The following MNAT1 variants were observed in gnomAD, a reference collection of about 807,000 sequenced individuals.
MNAT1 encodes the protein MNAT1 component of CDK activating kinase, also known as CDK-activating kinase assembly factor MAT1.
MNAT1 carries 43 observed loss-of-function variants against 42.0 expected under a neutral mutation model. The ratio of observed to expected loss-of-function variants is 1.02; its 90% CI spans 0.80 to 1.32. MNAT1 has a LOEUF of 1.32. Ranked by LOEUF, MNAT1 falls within the 40% of genes most tolerant of loss-of-function variation. MNAT1 has a pLI of 0.00. For synonymous variants in MNAT1, 118 were observed against 120.0 expected, an observed-to-expected ratio of 0.98 and a Z score of 0.11; for missense variants, 306 against 350.4, an observed-to-expected ratio of 0.87 and a Z score of 1.01.
At chr14:60,817,778 T>G (rs574533860) in intron 5 of MNAT1, among the ~76,000 whole-genome samples, 1 of 152,134 alleles carries the variant, frequency 6.6e-6, no homozygotes, top group East Asian at 1.9e-4. Context: ...ATAGCCTCTT[T>G]GAACAATATG....
At chr14:60,835,577 C>A (rs892890096) in intron 6 of MNAT1, among the ~76,000 whole-genome samples, 3 of 152,210 alleles carry the variant, frequency 2.0e-5, no homozygotes, top group African/African-American at 7.2e-5. Context: ...CCCCCACTCT[C>A]TTCTGGCTTG....
chr14:60,946,325 T>A (rs1048953605), intron 7 of MNAT1, among the ~76,000 whole-genome samples: 1 of 152,210 alleles, frequency 6.6e-6, no homozygotes, highest in Non-Finnish European at 1.5e-5. Context: ...ACTTCCTTAT[T>A]TCTGATTCAT....
Position 60,953,206 on chromosome 14 carries a change from A to G in MNAT1, c.810-15023A>G, listed in dbSNP as rs117961083. Among the ~76,000 whole-genome samples, 344 of 152,306 alleles carry G rather than the reference A, an allele frequency of 2.3e-3. 2 individuals carry two copies. The highest frequency in any genetic ancestry group is 3.4e-3 in the Non-Finnish European group (228 of 68,028). ...ATTTGTGAAATATAGATCTGTATGT[A>G]TATGTTTGAATCTATACAAATGTAT... On this transcript the variant is annotated intron_variant, in intron 7 of 7. Coordinates refer to ENST00000261245, the MANE Select transcript of MNAT1 (RefSeq NM_002431.4).
chr14:60,929,905 G>A (rs1339526837), intron 7 of MNAT1, among the ~76,000 whole-genome samples: 1 of 152,038 alleles, frequency 6.6e-6, no homozygotes, highest in East Asian at 1.9e-4. Context: ...CATTCTGACA[G>A]GAACCACCCT....
intron 7 of MNAT1, among the ~76,000 whole-genome samples, chr14:60,937,439 A>C (rs1005886943): frequency 3.3e-5 from 5 of 152,162 alleles, no homozygotes; most frequent in African/African-American, 7.2e-5. Context: ...TCAGCTTTCT[A>C]CATATGGCCA....
intron 5 of MNAT1, among the ~76,000 whole-genome samples, chr14:60,816,236 T>C (rs527733332): frequency 7.7e-4 from 117 of 152,272 alleles, no homozygotes; most frequent in African/African-American, 2.7e-3. Flanking sequence ...GGGATTTTAA[T>C]GTTATGGTCT....
chr14:60,872,749 A>C (rs1350952742), intron 6 of MNAT1, among the ~76,000 whole-genome samples: 1 of 151,814 alleles, frequency 6.6e-6, no homozygotes, highest in African/African-American at 2.4e-5. Flanking sequence ...AAAATAGCAA[A>C]GTTGGAAAAT....
intron 1 of MNAT1, chr14:60,780,658 T>C: frequency 3.0e-6 from 3 of 983,750 alleles, no homozygotes; most frequent in Non-Finnish European, 4.6e-6. Context: ...AATCAAGTCA[T>C]CTATAGTTGA....
chr14:60,949,571 C>T (rs978683220), intron 7 of MNAT1, among the ~76,000 whole-genome samples: 3 of 151,906 alleles, frequency 2.0e-5, no homozygotes, highest in African/African-American at 7.3e-5. Flanking sequence ...AAGGCATTGC[C>T]AAAAAATGTA....
intron 1 of MNAT1, among the ~76,000 whole-genome samples, chr14:60,792,673 C>T (rs2031865596): frequency 2.0e-5 from 3 of 152,066 alleles, no homozygotes; most frequent in Admixed American, 6.6e-5. Flanking sequence ...TGAAATTTGA[C>T]ATGGAATATA....
chr14:60,939,388 T>C (rs1257806361), intron 7 of MNAT1, among the ~76,000 whole-genome samples: 3 of 152,208 alleles, frequency 2.0e-5, no homozygotes, highest in Admixed American at 2.0e-4. Flanking sequence ...AAGTTCCCTC[T>C]ACACACTGCT....
intron 3 of MNAT1, among the ~76,000 whole-genome samples, chr14:60,804,191 T>C (rs2139339663): frequency 6.6e-6 from 1 of 152,334 alleles, no homozygotes; most frequent in East Asian, 1.9e-4. Flanking sequence ...TTGCTTTTAA[T>C]ACTTGACTAA....
intron 7 of MNAT1, among the ~76,000 whole-genome samples, chr14:60,953,010 T>G (rs1248626878): frequency 6.6e-6 from 1 of 151,960 alleles, no homozygotes; most frequent in Non-Finnish European, 1.5e-5. Context: ...CTATCACTAT[T>G]AGAGAGGTGG....
chr14:60,828,642 G>A (rs558887283), intron 6 of MNAT1, among the ~76,000 whole-genome samples: 2 of 151,770 alleles, frequency 1.3e-5, no homozygotes, highest in South Asian at 2.1e-4. Context: ...GACACTAACC[G>A]GAATTAGTGC....
intron 1 of MNAT1, among the ~76,000 whole-genome samples, chr14:60,763,717 T>C (rs1465482371): frequency 6.6e-6 from 1 of 152,194 alleles, no homozygotes; most frequent in Non-Finnish European, 1.5e-5. Flanking sequence ...AACCTATCAT[T>C]ATCTTTAATT....
chr14:60,808,635 T>C, intron 4 of MNAT1: 1 of 319,736 alleles, frequency 3.1e-6, no homozygotes, highest in Non-Finnish European at 5.9e-6. Flanking sequence ...AGCATTATGT[T>C]AGACTGTGCT....
intron 7 of MNAT1, among the ~76,000 whole-genome samples, chr14:60,953,109 G>A (rs1348505972): frequency 6.6e-6 from 1 of 152,046 alleles, no homozygotes; most frequent in Non-Finnish European, 1.5e-5. Flanking sequence ...ACAAGTGGAA[G>A]GAGAGGCAGT....
intron 7 of MNAT1, among the ~76,000 whole-genome samples, chr14:60,931,807 C>T (rs1355142048): frequency 6.6e-6 from 1 of 151,712 alleles, no homozygotes; most frequent in East Asian, 1.9e-4. Context: ...CTGAAAAGAG[C>T]TGCTTAATTG....
chr14:60,853,407 C>T (rs910413081), intron 6 of MNAT1, among the ~76,000 whole-genome samples: 1 of 152,152 alleles, frequency 6.6e-6, no homozygotes, highest in Non-Finnish European at 1.5e-5. Context: ...TATCCTGAGA[C>T]TTTGCTGAAG....
Sources: allele counts gnomAD v4.1 joint callset (sites outside exome capture counted in the v4.1 genomes callset), GRCh38; gene constraint gnomAD v4.1.1; transcripts MANE v1.5; gene names NCBI Gene and HGNC (gene_info 2026-07-23, HGNC 2026-07-21).